ADAMTS10: variants seen among roughly 807,000 people sequenced by gnomAD.
ADAMTS10 encodes A disintegrin and metalloproteinase with thrombospondin motifs 10.
ADAMTS10 carries 48 observed loss-of-function variants against 135.9 expected under a neutral mutation model. That is an observed-to-expected ratio of 0.35 (90% CI 0.28 to 0.45). The LOEUF is 0.45. Among genes scored for constraint, ADAMTS10 ranks in the 20% least tolerant of loss-of-function variants. The pLI, the probability that ADAMTS10 is intolerant of heterozygous loss-of-function variation, is 1.00. For missense variants in ADAMTS10, 1,131 were observed against 1,565.2 expected, an observed-to-expected ratio of 0.72 and a Z score of 4.68; for synonymous variants, 621 against 647.5, an observed-to-expected ratio of 0.96 and a Z score of 0.62.
intron 6 of ADAMTS10, 72 bp downstream of exon 6, chr19:8,600,856 C>T (rs1228689228): frequency 2.2e-5 from 34 of 1,568,246 alleles, no homozygotes; most frequent in Non-Finnish European, 3.0e-5. Context: ...ATGGTAGCCA[C>T]CCCCTTGCCT....
chr19:8,588,964 G>A (rs1022586635), intron 18 of ADAMTS10, among the ~76,000 whole-genome samples: 2 of 151,972 alleles, frequency 1.3e-5, no homozygotes, highest in African/African-American at 2.4e-5. Flanking sequence ...GCTAATTTTT[G>A]TATTTTTAGT....
At chr19:8,595,399 C>T (rs10432321) in intron 12 of ADAMTS10, among the ~76,000 whole-genome samples, 66,446 of 151,860 alleles carry the variant, frequency 0.44, 15,185 homozygotes, top group East Asian at 0.78. Context: ...AAATTATTTC[C>T]GTCAGGACTG....
chr19:8,607,290 T>C (rs1555742756), intron 2 of ADAMTS10, among the ~76,000 whole-genome samples: 2 of 152,160 alleles, frequency 1.3e-5, no homozygotes. Context: ...CCCACTGTCT[T>C]GGGCCATCTT....
chr19:8,609,984 C>G (rs1295753984), intron 1 of ADAMTS10, among the ~76,000 whole-genome samples: 1 of 151,998 alleles, frequency 6.6e-6, no homozygotes, highest in Non-Finnish European at 1.5e-5. Flanking sequence ...TTTACACGCG[C>G]ACACACGGGA....
At chr19:8,581,159 T>TTTTTTTTTTTTTTTTTTTA (rs2042344503) in intron 25 of ADAMTS10, 157 bp from the exon 26 acceptor site, 1 of 374,126 alleles carries the variant, frequency 2.7e-6, no homozygotes. Flanking sequence ...TTTTTTTTTT[T>TTTTTTTTTTTTTTTTTTTA]ACAGATGTTA....
Position 8,596,032 on chromosome 19 carries a change from G to A in ADAMTS10, c.1337+41C>T, listed in dbSNP as rs1555740066. 6.2e-7 allele frequency: 1 copy of A among 1,614,000 alleles called. No homozygotes were observed. Among genetic ancestry groups the A allele is most frequent in the African/African-American group, 1.3e-5 (1 of 75,054 alleles). Reference sequence around the variant, plus strand: ...TCTCCCGTGTACCCTGCCCCACCATGAGTGTGACCCGCTCTGAGGGACACC... The same window carrying A: ...TCTCCCGTGTACCCTGCCCCACCATAAGTGTGACCCGCTCTGAGGGACACC... On this transcript the variant is annotated intron_variant, in intron 11 of 25. Coordinates refer to ENST00000597188, the MANE Select transcript of ADAMTS10 (RefSeq NM_030957.4). The surrounding 1 kb of genome is among the most constrained non-coding windows in gnomAD (Gnocchi z 7.2).
At chr19:8,599,663 T>C (rs554391188) in intron 6 of ADAMTS10, among the ~76,000 whole-genome samples, 1 of 151,568 alleles carries the variant, frequency 6.6e-6, no homozygotes, top group African/African-American at 2.4e-5. Context: ...TATGAATGAA[T>C]GAATGACAGG....
rs2042672295 is a variant in ADAMTS10 at position 8,601,779 on chromosome 19, T to C, written c.593-634A>G. Among the ~76,000 whole-genome samples the C allele has an allele frequency of 6.6e-6, 1 of 152,172 alleles. No individual in the cohort carries two copies. The highest frequency in any genetic ancestry group is 1.5e-5 in the Non-Finnish European group (1 of 68,024). Reference sequence around the variant, plus strand: ...TGTCACTGTCCCTCTGCCAAACTGTTGAGTTGAATAACAGCCTGACTTCTC... The same window carrying C: ...TGTCACTGTCCCTCTGCCAAACTGTCGAGTTGAATAACAGCCTGACTTCTC... On this transcript the variant is annotated intron_variant, in intron 5 of 25. Coordinates refer to ENST00000597188, the MANE Select transcript of ADAMTS10 (RefSeq NM_030957.4). The surrounding 1 kb of genome is among the most constrained non-coding windows in gnomAD (Gnocchi z 4.6).
chr19:8,606,406 A>G (rs2042722336), intron 2 of ADAMTS10, among the ~76,000 whole-genome samples: 2 of 151,892 alleles, frequency 1.3e-5, no homozygotes, highest in Non-Finnish European at 2.9e-5. Flanking sequence ...CATGGTCATC[A>G]CGCTCTTTTT....
chr19:8,605,097 G>A lies in ADAMTS10; in HGVS notation c.350C>T (p.Ala117Val), dbSNP rs141952128. Residue 117 changes from alanine (A) to valine (V), a missense_variant, in exon 4 of 26, where the codon GCG becomes GTG. Around this residue, in one of 3 missense-constraint regions of ADAMTS10, gnomAD observed 306 missense variants for 344.4 expected, o/e 0.89. Coordinates refer to ENST00000597188, the MANE Select transcript of ADAMTS10 (RefSeq NM_030957.4). The surrounding 1 kb of genome is among the most constrained non-coding windows in gnomAD (Gnocchi z 7.7). ...WTREGLAWQR[A>V]ARPHCLYAGH... ...AGCGTAGAGGCAGTGGGGCCGGGCC[G>A]CCCTCTGCCAGGCCAGGCCCTCCCG... 2.3e-4 allele frequency: 365 copies of A among 1,612,784 alleles called. 1 individual carries two copies. In the African/African-American group the frequency reaches 3.3e-3, roughly 14 times the overall value.
intron 4 of ADAMTS10, among the ~76,000 whole-genome samples, chr19:8,604,108 T>C (rs1228086081): frequency 6.6e-6 from 1 of 151,870 alleles, no homozygotes; most frequent in Non-Finnish European, 1.5e-5. Context: ...TGGAGTGCAG[T>C]GGTGCAATCG....
intron 1 of ADAMTS10, among the ~76,000 whole-genome samples, chr19:8,609,466 G>A (rs1271879255): frequency 2.0e-5 from 3 of 152,090 alleles, no homozygotes; most frequent in Non-Finnish European, 4.4e-5. Flanking sequence ...GCCAGGCTGC[G>A]GGGACAGGGC....
chr19:8,584,154 C>CAAAAAAAAAAAACA (rs2042390917), intron 25 of ADAMTS10, among the ~76,000 whole-genome samples: 1 of 44,892 alleles, frequency 2.2e-5, no homozygotes, highest in Admixed American at 2.8e-4. Flanking sequence ...GACTCCATCT[C>CAAAAAAAAAAAACA]AAAAAAAAAA....
chr19:8,597,759 G>T (rs1555740608), intron 6 of ADAMTS10, among the ~76,000 whole-genome samples: 1 of 151,914 alleles, frequency 6.6e-6, no homozygotes, highest in Non-Finnish European at 1.5e-5. Flanking sequence ...TACTGCTTCA[G>T]CCTCCCAAGT....
chr19:8,600,794 G>C (rs916377814), intron 6 of ADAMTS10, 134 bp downstream of exon 6: 2 of 1,163,610 alleles, frequency 1.7e-6, no homozygotes, highest in African/African-American at 1.5e-5. Context: ...CACCGCGCCC[G>C]GCCTGCAACC....
chr19:8,590,537 C>T (rs1303655293), intron 15 of ADAMTS10, among the ~76,000 whole-genome samples: 1 of 152,182 alleles, frequency 6.6e-6, no homozygotes, highest in African/African-American at 2.4e-5. Context: ...CGGCTCACTG[C>T]AACCTCCGCT....
At chr19:8,600,505 T>TC (rs1166621718) in intron 6 of ADAMTS10, among the ~76,000 whole-genome samples, 1 of 133,836 alleles carries the variant, frequency 7.5e-6, no homozygotes, top group Admixed American at 7.0e-5. Flanking sequence ...CTTTTCTTTT[T>TC]TTTTTTTTTT....
At chr19:8,602,485 A>C (rs1418557738) in intron 5 of ADAMTS10, among the ~76,000 whole-genome samples, 2 of 151,934 alleles carry the variant, frequency 1.3e-5, no homozygotes, top group Non-Finnish European at 2.9e-5. Flanking sequence ...CGCCTGGCTA[A>C]CTTTTTTGTA....
chr19:8,598,280 A>G (rs1400979863), intron 6 of ADAMTS10, among the ~76,000 whole-genome samples: 1 of 152,004 alleles, frequency 6.6e-6, no homozygotes, highest in African/African-American at 2.4e-5. Flanking sequence ...CAGCTTATCT[A>G]CTTGTCCCCC....
Sources: allele counts gnomAD v4.1 joint callset (sites outside exome capture counted in the v4.1 genomes callset), GRCh38; gene constraint gnomAD v4.1.1; regional missense constraint gnomAD v4.1.1; non-coding constraint Gnocchi (gnomAD v3.1); transcripts MANE v1.5; gene names NCBI Gene and HGNC (gene_info 2026-07-23, HGNC 2026-07-21).